The following FARP1 variants were observed in gnomAD, a reference collection of about 807,000 sequenced individuals.
FARP1 encodes the protein FERM, ARHGEF and pleckstrin domain-containing protein 1.
In FARP1, 52 loss-of-function variants were observed where a neutral mutation model predicts 128.8. The ratio of observed to expected loss-of-function variants is 0.40; its 90% CI spans 0.32 to 0.51. FARP1 has a LOEUF of 0.51. Among genes scored for constraint, FARP1 ranks in the 20% least tolerant of loss-of-function variants. The probability of loss-of-function intolerance (pLI) is 0.45; values close to 1 mark genes in which losing one functional copy is unlikely to be tolerated. For synonymous variants in FARP1, 580 were observed against 551.8 expected (o/e 1.05, Z -0.72); for missense variants, 1,333 against 1,367.9 (o/e 0.97, Z 0.40).
intron 2 of FARP1, among the ~76,000 whole-genome samples, chr13:98,265,551 C>T (rs1373566875): frequency 1.3e-5 from 2 of 151,526 alleles, no homozygotes; most frequent in East Asian, 1.9e-4. Context: ...GATCTCCTGA[C>T]CTCGTGATCC....
In FARP1 at chr13:98,343,859, A is replaced by C; in HGVS notation, c.269A>C (p.Lys90Thr). ...YFGLEFPDHK[K>T]ITVWLDLLKP... is the part of the protein sequence containing the mutation. ...GGCCTCGAGTTTCCTGATCACAAAA[A>C]GATCACGGTAGGTGATGTCAACTTA... The change falls in exon 3 of 27, where the codon AAG (lysine) becomes ACG (threonine). Residue 90 changes from lysine (K) to threonine (T), a missense_variant. Physicochemically the swap from Lys to Thr is moderately conservative, Grantham distance 78 (BLOSUM62 -1). Coordinates refer to ENST00000319562, the MANE Select transcript of FARP1 (RefSeq NM_005766.4). 2 of 1,603,062 alleles carry C rather than the reference A, an allele frequency of 1.2e-6. No individual in the cohort carries two copies. Among genetic ancestry groups the C allele is most frequent in the South Asian group, 1.1e-5 (1 of 90,874 alleles).
intron 2 of FARP1, among the ~76,000 whole-genome samples, chr13:98,228,275 G>T (rs1157055662): frequency 6.6e-6 from 1 of 152,200 alleles, no homozygotes; most frequent in Non-Finnish European, 1.5e-5. Flanking sequence ...CAGGAGAATT[G>T]CTTGAACCCA....
intron 1 of FARP1, among the ~76,000 whole-genome samples, chr13:98,157,014 G>C (rs893770572): frequency 1.3e-5 from 2 of 152,186 alleles, no homozygotes; most frequent in Non-Finnish European, 2.9e-5. Context: ...CAGGAAGGAC[G>C]CTGAGAGACA....
At chr13:98,446,374 G>T in intron 25 of FARP1, 169 bp downstream of exon 25, 1 of 606,270 alleles carries the variant, frequency 1.6e-6, no homozygotes, top group South Asian at 2.0e-5. Context: ...CAACTCTAGG[G>T]AAGACTGACA....
At chr13:98,273,652 A>G (rs1369105640) in intron 2 of FARP1, among the ~76,000 whole-genome samples, 1 of 152,254 alleles carries the variant, frequency 6.6e-6, no homozygotes, top group Non-Finnish European at 1.5e-5. Context: ...CACAGTGGGC[A>G]TTCAGTAAGC....
intron 2 of FARP1, among the ~76,000 whole-genome samples, chr13:98,255,077 AAAC>A (rs1472794733): frequency 6.6e-6 from 1 of 152,216 alleles, no homozygotes; most frequent in Admixed American, 6.5e-5. Context: ...ATTTTGGGTA[AAAC>A]AACAGTAGGG....
At chr13:98,338,396 G>A (rs1373719326) in intron 2 of FARP1, 4 of 152,202 alleles carry the variant, frequency 2.6e-5, no homozygotes, top group African/African-American at 7.2e-5. Context: ...CCTCATTGAA[G>A]TGGAATCGTC....
At chr13:98,386,432 C>A (rs73567697) in intron 8 of FARP1, among the ~76,000 whole-genome samples, 8,540 of 152,168 alleles carry the variant, frequency 0.056, 823 homozygotes, top group African/African-American at 0.2. Flanking sequence ...GATCATTCTG[C>A]TATTGGACTG....
At position 98,286,168 on chromosome 13, in the gene FARP1, C is replaced by T. The variant is rs564347348; in HGVS notation, c.172-57594C>T. On this transcript the variant is annotated intron_variant, in intron 2 of 26. Coordinates refer to ENST00000319562, the MANE Select transcript of FARP1 (RefSeq NM_005766.4). The stretch of plus-strand genomic sequence containing the variant: ...GGCCCATGGGTTTCTCCTGCCCACT[C>T]GTCTCTTGTAGCCAAGCAGTCACCA... Among the ~76,000 whole-genome samples, 324 of 152,264 alleles carry T rather than the reference C, an allele frequency of 2.1e-3. 1 individual carries two copies. The highest frequency in any genetic ancestry group is 3.4e-3 in the Middle Eastern group (1 of 294).
intron 2 of FARP1, among the ~76,000 whole-genome samples, chr13:98,256,948 G>GT (rs59128917): frequency 1.7e-4 from 13 of 77,088 alleles, no homozygotes; most frequent in South Asian, 1.0e-3. Flanking sequence ...TATATATGTG[G>GT]ATATATATAT....
intron 16 of FARP1, among the ~76,000 whole-genome samples, chr13:98,418,275 GT>G (rs1391646781): frequency 7.9e-6 from 1 of 126,094 alleles, no homozygotes; most frequent in Admixed American, 8.1e-5. Context: ...GTTTTGTTTT[GT>G]TTTTTGTTTT....
At chr13:98,254,280 G>A (rs1883483180) in intron 2 of FARP1, among the ~76,000 whole-genome samples, 1 of 152,198 alleles carries the variant, frequency 6.6e-6, no homozygotes, top group Non-Finnish European at 1.5e-5. Flanking sequence ...AGAGATGACA[G>A]TTTAATTCTT....
chr13:98,409,104 C>T (rs1891087382), intron 13 of FARP1, among the ~76,000 whole-genome samples: 1 of 152,130 alleles, frequency 6.6e-6, no homozygotes, highest in Non-Finnish European at 1.5e-5. Flanking sequence ...AAGCAGAGTT[C>T]TCTATCTTAT....
intron 2 of FARP1, among the ~76,000 whole-genome samples, chr13:98,222,902 C>T: frequency 6.6e-6 from 1 of 150,650 alleles, no homozygotes; most frequent in East Asian, 2.0e-4. Flanking sequence ...TCCTAAAGTG[C>T]TGAGATTACA....
At chr13:98,412,073 C>T (rs368395063) in intron 16 of FARP1, 39 bp downstream of exon 16, 23 of 1,600,340 alleles carry the variant, frequency 1.4e-5, no homozygotes, top group South Asian at 8.9e-5. Context: ...TTCCTCCCTC[C>T]GTCTTGCTTG....
Position 98,448,401 on chromosome 13 carries a change from AAC to A in FARP1, c.*87_*88del. 1.8e-6 allele frequency: 2 copies of A among 1,108,766 alleles called. No individual in the cohort carries two copies. Among genetic ancestry groups the A allele is most frequent in the Admixed American group, 1.8e-5 (1 of 56,638 alleles). 68.7% of individuals were successfully genotyped at this position (1,108,766 alleles called of 1,614,324 possible). Reference sequence around the variant, plus strand: ...TGTATTAATGAAGCCTGGTAAAATTAACACCTGTCTGAAAATCAAAAACATGG... The same window carrying A: ...TGTATTAATGAAGCCTGGTAAAATTAACCTGTCTGAAAATCAAAAACATGG... On this transcript the variant is annotated 3_prime_UTR_variant, in exon 27 of 27. Transcript: ENST00000319562.
chr13:98,307,423 C>CA, intron 2 of FARP1, among the ~76,000 whole-genome samples: 1 of 152,260 alleles, frequency 6.6e-6, no homozygotes, highest in African/African-American at 2.4e-5. Flanking sequence ...CCCACCACCC[C>CA]AGCCTTCCTT....
chr13:98,312,203 T>G (rs1252909372), intron 2 of FARP1, among the ~76,000 whole-genome samples: 2 of 134,198 alleles, frequency 1.5e-5, no homozygotes, highest in African/African-American at 2.8e-5. Context: ...TGGAGTGGCG[T>G]GATCTTGGCT....
intron 13 of FARP1, 103 bp from the exon 14 acceptor site, chr13:98,409,235 T>G (rs1011821101): frequency 1.0e-5 from 9 of 874,804 alleles, no homozygotes; most frequent in Non-Finnish European, 8.6e-6. Context: ...CATGGCGGGG[T>G]AGTCAAATCT....
Sources: allele counts gnomAD v4.1 joint callset (sites outside exome capture counted in the v4.1 genomes callset), GRCh38; gene constraint gnomAD v4.1.1; transcripts MANE v1.5; gene names NCBI Gene and HGNC (gene_info 2026-07-23, HGNC 2026-07-21).